Variants in GLB1 observed in about 807,000 individuals in gnomAD.
GLB1 encodes the protein beta-galactosidase.
A neutral mutation model predicts 74.0 loss-of-function variants in GLB1; 56 were observed. The observed-to-expected ratio is 0.76, with a 90% CI of 0.61 to 0.94. The LOEUF (loss-of-function observed/expected upper bound fraction) is 0.94, where lower values mean the gene tolerates loss of function less well. Ranked by LOEUF, GLB1 falls within the 40% of genes least tolerant of loss-of-function variation. The pLI is 0.00. For synonymous variants in GLB1, 323 were observed against 323.6 expected (o/e 1.00, Z 0.02); for missense variants, 787 against 845.5 (o/e 0.93, Z 0.86).
intron 15 of GLB1, among the ~76,000 whole-genome samples, chr3:33,001,046 C>A (rs897826595): frequency 2.0e-5 from 3 of 151,904 alleles, no homozygotes; most frequent in Non-Finnish European, 4.4e-5. Flanking sequence ...ACAGCCCATA[C>A]CTTCCTCCTT....
At chr3:33,059,484 A>C (rs13324134) in intron 5 of GLB1, among the ~76,000 whole-genome samples, 13,838 of 152,248 alleles carry the variant, frequency 0.091, 2,004 homozygotes, top group African/African-American at 0.31. Context: ...CAGGAATATA[A>C]TGTGAAGTGA....
At chr3:33,009,050 C>T (rs1291989888) in intron 15 of GLB1, among the ~76,000 whole-genome samples, 7 of 151,272 alleles carry the variant, frequency 4.6e-5, no homozygotes, top group South Asian at 2.1e-4. Context: ...ACCTGGGAGG[C>T]GGAGGTTGCA....
At chr3:33,092,728 A>T in intron 1 of GLB1, 1 of 1,493,884 alleles carries the variant, frequency 6.7e-7, no homozygotes, top group South Asian at 1.4e-5. Context: ...GTGTGTAGGC[A>T]AGGATGAGTG....
chr3:32,968,982 A>C, the GLB1 span, among the ~76,000 whole-genome samples: 1 of 152,220 alleles, frequency 6.6e-6, no homozygotes, highest in African/African-American at 2.4e-5. Context: ...AAAACTGTGA[A>C]TACCCTAAAC....
intron 10 of GLB1, chr3:33,045,208 T>C (rs1426871709): frequency 8.7e-6 from 4 of 458,390 alleles, no homozygotes; most frequent in Non-Finnish European, 1.1e-5. Context: ...GTTTTACAAA[T>C]TAACAATCAG....
chr3:33,034,330 C>CAGCT, intron 10 of GLB1: 1 of 751,388 alleles, frequency 1.3e-6, no homozygotes, highest in Non-Finnish European at 2.5e-6. Context: ...GCAATGCCAT[C>CAGCT]AGCTAGGCCC....
intron 13 of GLB1, 84 bp downstream of exon 13, chr3:33,018,364 A>G (rs552843246): frequency 7.2e-6 from 9 of 1,256,416 alleles, no homozygotes; most frequent in Non-Finnish European, 1.0e-5. Flanking sequence ...GTGAGCAAAG[A>G]CCCCAAATGC....
intron 15 of GLB1, among the ~76,000 whole-genome samples, chr3:32,999,561 G>C (rs1457850168): frequency 6.6e-6 from 1 of 152,128 alleles, no homozygotes; most frequent in Non-Finnish European, 1.5e-5. Flanking sequence ...CTGTGCACCT[G>C]GTAGGTAAGC....
rs1035169499 is a variant in GLB1, at chr3:32,996,836, G to A, written c.*209C>T. On this transcript the variant is annotated 3_prime_UTR_variant, in exon 16 of 16. Coordinates refer to ENST00000307363, the MANE Select transcript of GLB1 (RefSeq NM_000404.4). ...TCCAGCCCTGCAGATATGTATGCAC[G>A]TTACTGTGCTGTCAGCCCCTCACAC... The A allele has an allele frequency of 3.4e-5, 26 of 772,124 alleles. No homozygotes were observed. Among genetic ancestry groups the A allele is most frequent in the African/African-American group, 2.4e-4 (14 of 57,252 alleles). The allele number at this position is 772,124 out of a possible 1,614,324, so 47.8% of individuals were successfully genotyped here.
At position 33,028,856 on chromosome 3, in the gene GLB1, G is replaced by A. The variant is rs1374262730; in HGVS notation, c.1069-4531C>T. Among the ~76,000 whole-genome samples, 4 of 152,070 alleles carry A rather than the reference G, an allele frequency of 2.6e-5. No homozygotes were observed. In the South Asian group the frequency reaches 6.2e-4, roughly 24 times the overall value. Reference sequence around the variant, plus strand: ...AATTTTTTGTATTTTTAGTAGAAACGGGTTTTCTCCATGTTGGTCAGGCTG... The same window carrying A: ...AATTTTTTGTATTTTTAGTAGAAACAGGTTTTCTCCATGTTGGTCAGGCTG... On this transcript the variant is annotated intron_variant, in intron 10 of 15. Transcript: ENST00000307363.
At chr3:33,092,854 T>G in intron 1 of GLB1, 1 of 1,608,042 alleles carries the variant, frequency 6.2e-7, no homozygotes, top group Non-Finnish European at 8.5e-7. Context: ...CGCTGCAGGA[T>G]GAGCTCTGTG....
chr3:33,049,369 C>T (rs1056734691), intron 9 of GLB1, among the ~76,000 whole-genome samples: 1 of 151,948 alleles, frequency 6.6e-6, no homozygotes, highest in Non-Finnish European at 1.5e-5. Context: ...CATAGGTAAA[C>T]GTGTGCCATG....
At chr3:32,990,615 C>G in the GLB1 span, among the ~76,000 whole-genome samples, 1 of 152,168 alleles carries the variant, frequency 6.6e-6, no homozygotes, top group Non-Finnish European at 1.5e-5. Context: ...TGGGACACTT[C>G]CTGATTTCAA....
the GLB1 span, among the ~76,000 whole-genome samples, chr3:32,962,959 G>C: frequency 6.6e-6 from 1 of 151,920 alleles, no homozygotes; most frequent in Non-Finnish European, 1.5e-5. Flanking sequence ...GCTTACATAA[G>C]AATGAACAAC....
chr3:32,982,456 T>C, the GLB1 span, among the ~76,000 whole-genome samples: 1 of 151,678 alleles, frequency 6.6e-6, no homozygotes, highest in Admixed American at 6.6e-5. Context: ...TTTGCCCTTA[T>C]TACAGACATT....
intron 9 of GLB1, among the ~76,000 whole-genome samples, chr3:33,050,768 A>G (rs1198021836): frequency 6.6e-6 from 1 of 152,218 alleles, no homozygotes; most frequent in Non-Finnish European, 1.5e-5. Context: ...AAAATTGTCA[A>G]TTTTATGGTT....
chr3:33,058,193 T>A lies in GLB1; in HGVS notation c.629A>T (p.His210Leu). Residue 210 changes from histidine (H) to leucine (L), a missense_variant, in exon 6 of 16, where the codon CAT becomes CTT. Physicochemically the swap from His to Leu is moderately conservative, Grantham distance 99. Transcript: ENST00000307363. ...LRFLQKRFRH[H>L]LGDDVVLFTT... ...AAACAGAACCACATCATCCCCCAGA[T>A]GGTGGCGAAAGCGCTTCTGCAGGAA... 5.0e-6 allele frequency: 8 copies of A among 1,614,092 alleles called. No homozygotes were observed. The highest frequency in any genetic ancestry group is 5.9e-6 in the Non-Finnish European group (7 of 1,180,004).
chr3:33,033,376 C>T (rs1698136177), intron 10 of GLB1, among the ~76,000 whole-genome samples: 1 of 152,056 alleles, frequency 6.6e-6, no homozygotes, highest in Admixed American at 6.6e-5. Context: ...TCTAAACTAT[C>T]AATACTAAAC....
intron 1 of GLB1, among the ~76,000 whole-genome samples, chr3:33,085,848 G>A (rs1475042050): frequency 6.6e-6 from 1 of 151,134 alleles, no homozygotes; most frequent in East Asian, 1.9e-4. Context: ...GGAGGCTGAG[G>A]ACTGCTTGAG....
Sources: gnomAD v4.1 joint callset for allele counts (sites outside exome capture counted in the v4.1 genomes callset) on GRCh38, gnomAD v4.1.1 for gene constraint, MANE v1.5 for transcripts, NCBI Gene and HGNC (gene_info 2026-07-23, HGNC 2026-07-21) for gene names.